VWC2: variants seen among roughly 807,000 people sequenced by gnomAD.
The protein encoded by VWC2 is von Willebrand factor C domain containing 2, also known as brorin.
Under a neutral mutation model 29.8 loss-of-function variants are expected in VWC2, and 14 were observed. The ratio of observed to expected loss-of-function variants is 0.47; its 90% CI spans 0.31 to 0.74. VWC2 has a LOEUF of 0.74. Among genes scored for constraint, VWC2 ranks in the 30% least tolerant of loss-of-function variants. The probability of loss-of-function intolerance (pLI) is 0.05; values close to 1 mark genes in which losing one functional copy is unlikely to be tolerated. For missense variants in VWC2, 457 were observed against 459.8 expected, an observed-to-expected ratio of 0.99 and a Z score of 0.05; for synonymous variants, 213 against 199.0, an observed-to-expected ratio of 1.07 and a Z score of -0.59.
At chr7:49,838,506 C>T (rs928592672) in intron 3 of VWC2, among the ~76,000 whole-genome samples, 9 of 151,756 alleles carry the variant, frequency 5.9e-5, no homozygotes, top group Non-Finnish European at 1.0e-4. Flanking sequence ...GGGAGGCTGC[C>T]GTGCTGAGGA....
intron 3 of VWC2, among the ~76,000 whole-genome samples, chr7:49,864,669 C>T (rs867869165): frequency 6.6e-6 from 1 of 152,174 alleles, no homozygotes; most frequent in Non-Finnish European, 1.5e-5. Flanking sequence ...AAAACAGAGG[C>T]CTGCATCTTC....
At chr7:49,867,041 T>C (rs1790921254) in intron 3 of VWC2, among the ~76,000 whole-genome samples, 1 of 152,192 alleles carries the variant, frequency 6.6e-6, no homozygotes. Context: ...TCATTATCTT[T>C]GTAACCATCT....
intron 2 of VWC2, among the ~76,000 whole-genome samples, chr7:49,800,037 A>C (rs1788703134): frequency 6.6e-6 from 1 of 152,262 alleles, no homozygotes; most frequent in African/African-American, 2.4e-5. Context: ...CAGGATTTCT[A>C]AATATTTAAT....
Position 49,919,010 on chromosome 7 carries a change from G to C in VWC2, c.*6825G>C, listed in dbSNP as rs1047676234. On this transcript the variant is annotated 3_prime_UTR_variant, in exon 4 of 4. Transcript: ENST00000340652. ...GGTGGAGGTTGCTTGAGCCGAGATC[G>C]CGTCACTGCACTCCAGCCTGGGTAA... 2 of 151,192 alleles carry C rather than the reference G, an allele frequency of 1.3e-5. No individual in the cohort carries two copies. Among genetic ancestry groups the C allele is most frequent in the Non-Finnish European group, 2.9e-5 (2 of 67,970 alleles). 9.4% of individuals were successfully genotyped at this position (151,192 alleles called of 1,614,324 possible). A position where few individuals can be genotyped will look rare whatever the true frequency, so the allele number is the denominator to read the frequency against.
At chr7:49,909,647 A>T (rs113814405) in intron 3 of VWC2, among the ~76,000 whole-genome samples, 1,846 of 152,302 alleles carry the variant, frequency 0.012, 26 homozygotes, top group African/African-American at 0.033. Context: ...GGTAATGCAG[A>T]TACTGGCCCC....
At chr7:49,838,438 CAGT>C (rs1168762475) in intron 3 of VWC2, among the ~76,000 whole-genome samples, 1 of 151,814 alleles carries the variant, frequency 6.6e-6, no homozygotes, top group Non-Finnish European at 1.5e-5. Context: ...GGTCAGGAGA[CAGT>C]AGGATTGAAG....
rs183464611 is a variant in VWC2 at position 49,877,507 on chromosome 7, T to G, written c.827-34527T>G. On this transcript the variant is annotated intron_variant, in intron 3 of 3. Coordinates refer to ENST00000340652, the MANE Select transcript of VWC2 (RefSeq NM_198570.5). ...ATATATATATATATATATATATATA[T>G]ATATATATATAGTTATTTGGTCACT... 2.9e-3 allele frequency among the ~76,000 whole-genome samples: 261 copies of G among 90,220 alleles called. 3 individuals carry two copies. The highest frequency in any genetic ancestry group is 4.8e-3 in the Non-Finnish European group (207 of 42,942). 59.2% of individuals were successfully genotyped at this position (90,220 alleles called of 152,430 possible).
At chr7:49,789,490 C>T (rs1788415830) in intron 2 of VWC2, among the ~76,000 whole-genome samples, 1 of 152,124 alleles carries the variant, frequency 6.6e-6, no homozygotes, top group Non-Finnish European at 1.5e-5. Context: ...TCTTACTTGA[C>T]TGGTCCCTGA....
intron 3 of VWC2, among the ~76,000 whole-genome samples, chr7:49,818,749 T>C (rs150839507): frequency 3.1e-4 from 46 of 150,168 alleles, no homozygotes; most frequent in African/African-American, 1.0e-3. Context: ...TATCTTCATA[T>C]AAATATAAAT....
intron 2 of VWC2, among the ~76,000 whole-genome samples, chr7:49,797,214 G>T (rs1788612800): frequency 6.6e-6 from 1 of 152,124 alleles, no homozygotes; most frequent in Non-Finnish European, 1.5e-5. Flanking sequence ...AGTAGTTGTA[G>T]TTGAGAAAGT....
chr7:49,889,191 A>G (rs2128729833), intron 3 of VWC2, among the ~76,000 whole-genome samples: 1 of 152,298 alleles, frequency 6.6e-6, no homozygotes, highest in East Asian at 1.9e-4. Flanking sequence ...ATCACAAACA[A>G]GCTGATGTTT....
At chr7:49,808,427 T>C (rs1035367827) in intron 3 of VWC2, among the ~76,000 whole-genome samples, 5 of 152,084 alleles carry the variant, frequency 3.3e-5, no homozygotes, top group African/African-American at 1.2e-4. Flanking sequence ...GCTTAAGTAA[T>C]TGTAGTTGCA....
At chr7:49,828,853 A>G (rs1170121918) in intron 3 of VWC2, among the ~76,000 whole-genome samples, 1 of 152,100 alleles carries the variant, frequency 6.6e-6, no homozygotes, top group Non-Finnish European at 1.5e-5. Context: ...ACTCTGGGCC[A>G]CTGTACCCTG....
intron 3 of VWC2, among the ~76,000 whole-genome samples, chr7:49,816,655 GA>G (rs1789153339): frequency 6.6e-6 from 1 of 152,194 alleles, no homozygotes; most frequent in South Asian, 2.1e-4. Flanking sequence ...ACTGGCATAA[GA>G]AGGGGAAAAA....
At chr7:49,859,234 G>A (rs1211458387) in intron 3 of VWC2, among the ~76,000 whole-genome samples, 1 of 152,168 alleles carries the variant, frequency 6.6e-6, no homozygotes, top group Non-Finnish European at 1.5e-5. Flanking sequence ...GATATCTTGA[G>A]TTACCATTTG....
chr7:49,793,181 G>GCCC lies in VWC2; in HGVS notation c.697-9530_697-9529insCCC, dbSNP rs1788504447. Reference sequence around the variant, plus strand: ...TTGGAATATTTCCTGGCATTTTTCAGGTACTTCATAAATGACCTTTGATAT... The same window carrying GCCC: ...TTGGAATATTTCCTGGCATTTTTCAGCCCGTACTTCATAAATGACCTTTGATAT... On this transcript the variant is annotated intron_variant, in intron 2 of 3. Transcript: ENST00000340652. Among the ~76,000 whole-genome samples the GCCC allele has an allele frequency of 3.3e-5, 5 of 152,236 alleles. No individual in the cohort carries two copies. The South Asian group carries it at 1.0e-3, about 32-fold the overall frequency.
rs1347814892 is a variant in VWC2 at position 49,801,910 on chromosome 7, C to T, written c.697-801C>T. ...GGCCCTTGGCCCCGCTTGGATGCCA[C>T]CCTGTTTCTCCTCCTTCACCCCTTT... On this transcript the variant is annotated intron_variant, in intron 2 of 3. Transcript: ENST00000340652. Among the ~76,000 whole-genome samples the T allele has an allele frequency of 2.0e-5, 3 of 152,348 alleles. No individual in the cohort carries two copies. The East Asian group carries it at 5.8e-4, about 29-fold the overall frequency.
intron 3 of VWC2, among the ~76,000 whole-genome samples, chr7:49,884,238 G>A (rs1791801340): frequency 6.6e-6 from 1 of 152,244 alleles, no homozygotes; most frequent in African/African-American, 2.4e-5. Context: ...GCTGGAGGAA[G>A]GATGAAGATA....
At chr7:49,884,526 G>C (rs1437224635) in intron 3 of VWC2, among the ~76,000 whole-genome samples, 1 of 152,136 alleles carries the variant, frequency 6.6e-6, no homozygotes, top group Non-Finnish European at 1.5e-5. Flanking sequence ...TGGATCCTGG[G>C]ATCCACTGAA....
Sources: allele counts gnomAD v4.1 joint callset (sites outside exome capture counted in the v4.1 genomes callset), GRCh38; gene constraint gnomAD v4.1.1; transcripts MANE v1.5; gene names NCBI Gene and HGNC (gene_info 2026-07-23, HGNC 2026-07-21).